APBB2: variants seen among roughly 807,000 people sequenced by gnomAD.
APBB2 encodes the protein Fe65-like 1.
Under a neutral mutation model 82.5 loss-of-function variants are expected in APBB2, and 38 were observed. That is an observed-to-expected ratio of 0.46 (90% CI 0.36 to 0.60). APBB2 has a LOEUF of 0.60. APBB2 is among the 20% of genes least tolerant of loss of function. APBB2 has a pLI of 0.00. For synonymous variants in APBB2, 341 were observed against 368.2 expected, an observed-to-expected ratio of 0.93 and a Z score of 0.85; for missense variants, 772 against 972.3, an observed-to-expected ratio of 0.79 and a Z score of 2.74.
intron 5 of APBB2, among the ~76,000 whole-genome samples, chr4:41,030,645 G>C (rs866656936): frequency 1.3e-5 from 2 of 151,712 alleles, no homozygotes; most frequent in Non-Finnish European, 1.5e-5. Context: ...TTTTTTAATA[G>C]AGCTCTAGAC....
chr4:40,903,938 A>G (rs1199111151), intron 10 of APBB2, among the ~76,000 whole-genome samples: 3 of 152,180 alleles, frequency 2.0e-5, no homozygotes, highest in Admixed American at 6.5e-5. Context: ...CCCACATACT[A>G]TTTATTTCAC....
intron 2 of APBB2, among the ~76,000 whole-genome samples, chr4:41,139,754 T>C (rs1057447634): frequency 6.6e-6 from 1 of 152,162 alleles, no homozygotes; most frequent in African/African-American, 2.4e-5. Flanking sequence ...GGCCAGGGGT[T>C]CAGGAAGAAG....
At chr4:40,889,278 C>A (rs1771282193) in intron 12 of APBB2, among the ~76,000 whole-genome samples, 1 of 152,218 alleles carries the variant, frequency 6.6e-6, no homozygotes, top group South Asian at 2.1e-4. Flanking sequence ...GAATACTTGG[C>A]CATAATCCTT....
intron 6 of APBB2, among the ~76,000 whole-genome samples, chr4:41,000,025 AC>A (rs1305023396): frequency 3.3e-5 from 5 of 150,538 alleles, no homozygotes; most frequent in African/African-American, 1.2e-4. Context: ...CAAAAAAAAA[AC>A]AAACGTGTGT....
intron 5 of APBB2, among the ~76,000 whole-genome samples, chr4:41,015,941 T>G (rs973764175): frequency 1.3e-5 from 2 of 152,202 alleles, no homozygotes; most frequent in Non-Finnish European, 2.9e-5. Context: ...AAAAAACAAT[T>G]TTTATTACCA....
chr4:40,842,870 G>A (rs1213708311), intron 12 of APBB2, among the ~76,000 whole-genome samples: 2 of 152,090 alleles, frequency 1.3e-5, no homozygotes, highest in Non-Finnish European at 2.9e-5. Flanking sequence ...GGGCAACAGG[G>A]AGGGAGGGAG....
intron 10 of APBB2, among the ~76,000 whole-genome samples, chr4:40,913,740 G>A (rs955361086): frequency 7.2e-5 from 11 of 152,084 alleles, no homozygotes; most frequent in African/African-American, 1.4e-4. Flanking sequence ...GATCCATTTA[G>A]TACCACTTTT....
At chr4:40,954,212 C>T (rs889577862) in intron 6 of APBB2, among the ~76,000 whole-genome samples, 20 of 152,190 alleles carry the variant, frequency 1.3e-4, no homozygotes, top group African/African-American at 4.6e-4. Context: ...CTGGAAATTT[C>T]CTCTCCTGCT....
At chr4:41,019,866 G>A (rs1393670217) in intron 5 of APBB2, among the ~76,000 whole-genome samples, 1 of 152,068 alleles carries the variant, frequency 6.6e-6, no homozygotes, top group Admixed American at 6.6e-5. Flanking sequence ...AAAGGAAAGA[G>A]ACAAGGAGAC....
rs1458888481 is a variant in APBB2 at position 40,928,405 on chromosome 4, CACACACACACACACACACACACA to C, written c.1254+6028_1254+6050del. Among the ~76,000 whole-genome samples the C allele has an allele frequency of 6.3e-4, 43 of 68,204 alleles. 1 individual carries two copies. The highest frequency in any genetic ancestry group is 1.2e-3 in the East Asian group (2 of 1,712). The allele number at this position is 68,204 out of a possible 152,430, so 44.7% of individuals were successfully genotyped here. ...TAAAGAAAACACACACACACACACA[CACACACACACACACACACACACA>C]ATCAGCCAGGTGTGTTGACACATGC... is the stretch of plus-strand genomic sequence containing the variant. On this transcript the variant is annotated intron_variant, in intron 10 of 17. Coordinates refer to ENST00000508593, the MANE Select transcript of APBB2 (RefSeq NM_004307.2).
intron 1 of APBB2, chr4:41,194,141 C>T: frequency 7.4e-6 from 1 of 134,584 alleles, no homozygotes; most frequent in East Asian, 2.2e-4. Flanking sequence ...AGTGAGACTG[C>T]ATCTCTACAA....
At chr4:40,964,197 G>A (rs1794012378) in intron 6 of APBB2, among the ~76,000 whole-genome samples, 1 of 152,086 alleles carries the variant, frequency 6.6e-6, no homozygotes, top group African/African-American at 2.4e-5. Context: ...TGTGACTAAA[G>A]GCTACATACA....
intron 10 of APBB2, among the ~76,000 whole-genome samples, chr4:40,925,956 C>T (rs987075153): frequency 3.3e-5 from 5 of 152,204 alleles, no homozygotes; most frequent in Non-Finnish European, 7.3e-5. Context: ...TTTGTTTCAT[C>T]TCCTTCCTCT....
intron 10 of APBB2, among the ~76,000 whole-genome samples, chr4:40,918,459 A>G (rs1465981989): frequency 6.6e-6 from 1 of 152,254 alleles, no homozygotes; most frequent in Non-Finnish European, 1.5e-5. Context: ...TATAGGCACT[A>G]CACTATTTAC....
chr4:41,213,731 G>A (rs960187729), intron 1 of APBB2, among the ~76,000 whole-genome samples: 2 of 152,176 alleles, frequency 1.3e-5, no homozygotes, highest in Non-Finnish European at 2.9e-5. Flanking sequence ...GGTCCCAGTG[G>A]CCAGTTTCCT....
intron 12 of APBB2, among the ~76,000 whole-genome samples, chr4:40,857,590 C>T (rs771374855): frequency 1.3e-5 from 2 of 152,132 alleles, no homozygotes; most frequent in East Asian, 1.9e-4. Flanking sequence ...CCTGCCTCAG[C>T]CTCCCTAGCA....
chr4:40,979,664 G>C, intron 6 of APBB2, among the ~76,000 whole-genome samples: 1 of 152,206 alleles, frequency 6.6e-6, no homozygotes, highest in African/African-American at 2.4e-5. Context: ...CACACAGCAA[G>C]GACCAAAGGG....
intron 1 of APBB2, among the ~76,000 whole-genome samples, chr4:41,160,334 C>G (rs1764839584): frequency 6.6e-6 from 1 of 152,164 alleles, no homozygotes; most frequent in Non-Finnish European, 1.5e-5. Context: ...ATTTCACTCC[C>G]TGCAAATGAT....
intron 1 of APBB2, among the ~76,000 whole-genome samples, chr4:41,183,230 T>A (rs1771922554): frequency 6.6e-6 from 1 of 152,210 alleles, no homozygotes; most frequent in Non-Finnish European, 1.5e-5. Flanking sequence ...CACCATTGTC[T>A]CGCCTGGCTT....
Sources: allele counts gnomAD v4.1 joint callset (sites outside exome capture counted in the v4.1 genomes callset), GRCh38; gene constraint gnomAD v4.1.1; transcripts MANE v1.5; gene names NCBI Gene and HGNC (gene_info 2026-07-23, HGNC 2026-07-21).